The following CAMK2D variants were observed in gnomAD, a reference collection of about 807,000 sequenced individuals.
CAMK2D encodes the protein calcium/calmodulin-dependent protein kinase type II subunit delta.
Under a neutral mutation model 84.0 loss-of-function variants are expected in CAMK2D, and 37 were observed. The ratio of observed to expected loss-of-function variants is 0.44; its 90% CI spans 0.34 to 0.58. The LOEUF (loss-of-function observed/expected upper bound fraction) is 0.58, where lower values mean the gene tolerates loss of function less well. Among genes scored for constraint, CAMK2D ranks in the 20% least tolerant of loss-of-function variants. The pLI is 0.02. For synonymous variants in CAMK2D, 202 were observed against 212.5 expected, an observed-to-expected ratio of 0.95 and a Z score of 0.43; for missense variants, 448 against 652.5, an observed-to-expected ratio of 0.69 and a Z score of 3.41.
intron 3 of CAMK2D, 135 bp from the exon 4 acceptor site, chr4:113,609,341 G>A (rs1241464954): frequency 1.2e-5 from 7 of 599,804 alleles, no homozygotes; most frequent in African/African-American, 3.7e-5. Flanking sequence ...TGATACGTCC[G>A]TATCTTTTAC....
intron 2 of CAMK2D, among the ~76,000 whole-genome samples, chr4:113,710,610 C>T (rs930767157): frequency 5.9e-5 from 9 of 152,096 alleles, no homozygotes; most frequent in Non-Finnish European, 1.2e-4. Context: ...AAAGCAATGT[C>T]TGTATTAAAT....
At chr4:113,472,230 T>C (rs900047318) in intron 16 of CAMK2D, among the ~76,000 whole-genome samples, 1 of 152,252 alleles carries the variant, frequency 6.6e-6, no homozygotes, top group Non-Finnish European at 1.5e-5. Flanking sequence ...TGCATGCATG[T>C]ATGAATAAAT....
At chr4:113,469,547 C>T (rs35583513) in intron 16 of CAMK2D, among the ~76,000 whole-genome samples, 50,954 of 151,960 alleles carry the variant, frequency 0.34, 8,846 homozygotes, top group Middle Eastern at 0.4. Context: ...TTTAAATAGT[C>T]ATCTATATTC....
At chr4:113,467,000 T>C (rs1315765072) in intron 16 of CAMK2D, among the ~76,000 whole-genome samples, 1 of 152,226 alleles carries the variant, frequency 6.6e-6, no homozygotes, top group Non-Finnish European at 1.5e-5. Flanking sequence ...GTGTCTTTTA[T>C]GGAATAGATG....
intron 16 of CAMK2D, among the ~76,000 whole-genome samples, chr4:113,483,929 C>T (rs2097734055): frequency 1.3e-5 from 2 of 152,024 alleles, no homozygotes; most frequent in Admixed American, 1.3e-4. Flanking sequence ...ATGTCTGTTT[C>T]CATATAAGCA....
chr4:113,487,292 C>A (rs2097774768), intron 16 of CAMK2D, among the ~76,000 whole-genome samples: 1 of 151,880 alleles, frequency 6.6e-6, no homozygotes, highest in Non-Finnish European at 1.5e-5. Flanking sequence ...TAGCAGAAAT[C>A]CATAGCAGAA....
At chr4:113,469,862 T>C (rs1172520172) in intron 16 of CAMK2D, among the ~76,000 whole-genome samples, 1 of 152,104 alleles carries the variant, frequency 6.6e-6, no homozygotes, top group East Asian at 1.9e-4. Flanking sequence ...TTCCTCTTCT[T>C]TTTGACTTTT....
At position 113,681,877 on chromosome 4, in the gene CAMK2D, A is replaced by C. The variant is rs143989875; in HGVS notation, c.161-20105T>G. Among the ~76,000 whole-genome samples the C allele has an allele frequency of 8.6e-3, 1,311 of 152,226 alleles. 20 individuals carry two copies. The highest frequency in any genetic ancestry group is 0.03 in the African/African-American group (1,239 of 41,526). The stretch of plus-strand genomic sequence containing the variant: ...GTAACATATTCAATTAAAAAAAAAA[A>C]ACAGCCTTTTCCAGTTCCATTTTGT... On this transcript the variant is annotated intron_variant, in intron 2 of 20. Transcript: ENST00000511664.
At chr4:113,681,163 T>G (rs2099344656) in intron 2 of CAMK2D, among the ~76,000 whole-genome samples, 1 of 152,198 alleles carries the variant, frequency 6.6e-6, no homozygotes, top group African/African-American at 2.4e-5. Context: ...GCAATACTTC[T>G]GTATAAAAAG....
At chr4:113,567,168 C>CT (rs1317760050) in intron 4 of CAMK2D, among the ~76,000 whole-genome samples, 16,882 of 129,368 alleles carry the variant, frequency 0.13, 1,361 homozygotes, top group Non-Finnish European at 0.19. Context: ...TTTTCTTTTC[C>CT]TTTTTTTTTT....
At chr4:113,471,048 C>T (rs7684517) in intron 16 of CAMK2D, among the ~76,000 whole-genome samples, 51,688 of 152,022 alleles carry the variant, frequency 0.34, 9,111 homozygotes, top group Middle Eastern at 0.41. Context: ...TATGTCTTAT[C>T]GTTTATTGAC....
chr4:113,759,548 T>TC, intron 1 of CAMK2D, 134 bp from the exon 2 acceptor site: 1 of 447,136 alleles, frequency 2.2e-6, no homozygotes, highest in Non-Finnish European at 3.9e-6. Context: ...AATGAACAAT[T>TC]CTTCCTGGAA....
At chr4:113,532,937 T>C (rs909974102) in intron 7 of CAMK2D, among the ~76,000 whole-genome samples, 1 of 152,066 alleles carries the variant, frequency 6.6e-6, no homozygotes, top group Admixed American at 6.6e-5. Context: ...CTTAGTTACC[T>C]ACAGTTCTCG....
chr4:113,484,577 A>G lies in CAMK2D; in HGVS notation c.1135+15886T>C, dbSNP rs555300130. On this transcript the variant is annotated intron_variant, in intron 16 of 20. Transcript: ENST00000511664. Reference sequence around the variant, plus strand: ...AAACATAGTGGTAAAATGTTTTACAAATACAATGGTACAGCATTTTATATA... The same window carrying G: ...AAACATAGTGGTAAAATGTTTTACAGATACAATGGTACAGCATTTTATATA... 9.2e-5 allele frequency among the ~76,000 whole-genome samples: 14 copies of G among 152,312 alleles called. 1 individual carries two copies. In the South Asian group the frequency reaches 2.7e-3, roughly 29 times the overall value.
intron 3 of CAMK2D, among the ~76,000 whole-genome samples, chr4:113,640,690 A>G (rs1025501244): frequency 6.6e-6 from 1 of 152,230 alleles, no homozygotes; most frequent in Non-Finnish European, 1.5e-5. Flanking sequence ...TTAGGAACAC[A>G]TAGAAGAAGC....
At chr4:113,728,477 A>G in intron 2 of CAMK2D, among the ~76,000 whole-genome samples, 1 of 152,226 alleles carries the variant, frequency 6.6e-6, no homozygotes, top group South Asian at 2.1e-4. Flanking sequence ...AAAACTGACC[A>G]GAAGGAGCAT....
At chr4:113,551,727 A>G (rs1322127612) in intron 5 of CAMK2D, among the ~76,000 whole-genome samples, 1 of 152,176 alleles carries the variant, frequency 6.6e-6, no homozygotes, top group African/African-American at 2.4e-5. Flanking sequence ...CTATCTAGGG[A>G]TTAGAGGATT....
At chr4:113,759,789 G>C (rs1207512174) in intron 1 of CAMK2D, among the ~76,000 whole-genome samples, 1 of 152,066 alleles carries the variant, frequency 6.6e-6, no homozygotes, top group African/African-American at 2.4e-5. Context: ...TACTTATTTT[G>C]GTAGGAAACA....
intron 16 of CAMK2D, among the ~76,000 whole-genome samples, chr4:113,476,977 C>T (rs1210436194): frequency 6.6e-6 from 1 of 152,138 alleles, no homozygotes; most frequent in African/African-American, 2.4e-5. Flanking sequence ...CTTTCCCTAG[C>T]CCCCTGCCTG....
Sources: gnomAD v4.1 joint callset for allele counts (sites outside exome capture counted in the v4.1 genomes callset) on GRCh38, gnomAD v4.1.1 for gene constraint, MANE v1.5 for transcripts, NCBI Gene and HGNC (gene_info 2026-07-23, HGNC 2026-07-21) for gene names.